GALNT18: variants seen among roughly 807,000 people sequenced by gnomAD.
The protein encoded by GALNT18 is polypeptide N-acetylgalactosaminyltransferase 18.
In GALNT18, 44 loss-of-function variants were observed where a neutral mutation model predicts 69.5. That is an observed-to-expected ratio of 0.63 (90% confidence interval 0.50 to 0.81). The LOEUF is 0.81. GALNT18 is among the 40% of genes least tolerant of loss of function. The pLI is 0.00. For synonymous variants in GALNT18, 364 were observed against 318.2 expected, an observed-to-expected ratio of 1.14 and a Z score of -1.53; for missense variants, 715 against 810.0, an observed-to-expected ratio of 0.88 and a Z score of 1.42.
Position 11,490,200 on chromosome 11 carries a change from TTCTCTCTCTC to T in GALNT18, c.236-41274_236-41265del, listed in dbSNP as rs71037025. Among the ~76,000 whole-genome samples, 30 of 130,788 alleles carry T rather than the reference TTCTCTCTCTC, an allele frequency of 2.3e-4. 1 individual carries two copies. Among genetic ancestry groups the T allele is most frequent in the Middle Eastern group, 8.3e-3 (2 of 240 alleles). The allele number at this position is 130,788 out of a possible 152,430, so 85.8% of individuals were successfully genotyped here. On this transcript the variant is annotated intron_variant, in intron 1 of 10. Coordinates refer to ENST00000227756, the MANE Select transcript of GALNT18 (RefSeq NM_198516.3). ...AGTTTGGCCTCTTCTCCTTCACTCATTCTCTCTCTCTCTCTCTCTCTCTCTCTCTCTCTAA... is the reference window on the plus strand; with the variant it reads ...AGTTTGGCCTCTTCTCCTTCACTCATTCTCTCTCTCTCTCTCTCTCTCTAA...
chr11:11,558,551 G>C (rs1034899924), intron 1 of GALNT18, among the ~76,000 whole-genome samples: 1 of 152,256 alleles, frequency 6.6e-6, no homozygotes, highest in South Asian at 2.1e-4. Context: ...GAATAGCCCT[G>C]CTTCATGCTT....
intron 1 of GALNT18, among the ~76,000 whole-genome samples, chr11:11,561,615 C>T (rs1858509204): frequency 6.6e-6 from 1 of 152,142 alleles, no homozygotes; most frequent in Non-Finnish European, 1.5e-5. Flanking sequence ...TTAATTCATC[C>T]CAAAAGTATA....
chr11:11,390,485 G>A (rs531691623), intron 3 of GALNT18, among the ~76,000 whole-genome samples: 9 of 152,152 alleles, frequency 5.9e-5, no homozygotes, highest in South Asian at 2.1e-4. Context: ...GGGCAGCTCC[G>A]AGCATCCTCT....
Position 11,297,309 on chromosome 11 carries a change from T to G in GALNT18, c.1513-4116A>C, listed in dbSNP as rs74934000. On this transcript the variant is annotated intron_variant, in intron 9 of 10. Transcript: ENST00000227756. ...TGTGCCAGACATGAAATGACTTACA[T>G]GCTTTATCTTGTTTAATCTTAGCAA... Among the ~76,000 whole-genome samples the G allele has an allele frequency of 8.9e-3, 1,363 of 152,330 alleles. 14 individuals carry two copies. The highest frequency in any genetic ancestry group is 0.031 in the African/African-American group (1,277 of 41,566).
chr11:11,385,173 T>C (rs1022002418), intron 3 of GALNT18, among the ~76,000 whole-genome samples: 3 of 151,912 alleles, frequency 2.0e-5, no homozygotes, highest in Non-Finnish European at 4.4e-5. Context: ...TCATGGGAAC[T>C]AGTAGAGGGA....
chr11:11,568,979 T>C (rs1183122387), intron 1 of GALNT18, among the ~76,000 whole-genome samples: 1 of 152,210 alleles, frequency 6.6e-6, no homozygotes, highest in East Asian at 1.9e-4. Flanking sequence ...TAAATGCATT[T>C]CAAAATCACT....
At chr11:11,567,545 C>T (rs1367832773) in intron 1 of GALNT18, among the ~76,000 whole-genome samples, 1 of 152,176 alleles carries the variant, frequency 6.6e-6, no homozygotes, top group Non-Finnish European at 1.5e-5. Flanking sequence ...CTCCTGCTTC[C>T]CTGAAAAGCA....
intron 10 of GALNT18, among the ~76,000 whole-genome samples, chr11:11,273,036 A>C (rs1848860288): frequency 6.6e-6 from 1 of 152,234 alleles, no homozygotes; most frequent in Non-Finnish European, 1.5e-5. Flanking sequence ...AAATCAAATC[A>C]AAATAGGTTA....
rs574443240 is a variant in GALNT18 at position 11,457,601 on chromosome 11, A to G, written c.236-8665T>C. Among the ~76,000 whole-genome samples the G allele has an allele frequency of 1.7e-3, 254 of 152,330 alleles. 2 individuals carry two copies. The South Asian group carries it at 0.028, about 17-fold the overall frequency. ...TCCTACCGAAGGGTCAGACAGAGCC[A>G]CCCAGAACGCAGCTCACCTGGCTGA... On this transcript the variant is annotated intron_variant, in intron 1 of 10. Transcript: ENST00000227756.
Position 11,601,371 on chromosome 11 carries a change from G to A in GALNT18, c.235+19988C>T, listed in dbSNP as rs1343786339. 6.6e-6 allele frequency among the ~76,000 whole-genome samples: 1 copy of A among 152,064 alleles called. No homozygotes were observed. Among genetic ancestry groups the A allele is most frequent in the African/African-American group, 2.4e-5 (1 of 41,400 alleles). The stretch of plus-strand genomic sequence containing the variant: ...TAGTCTCTAATACTACTTCTTGAAG[G>A]TGAAACCTTAGGCATGTGCACAGTG... On this transcript the variant is annotated intron_variant, in intron 1 of 10. Coordinates refer to ENST00000227756, the MANE Select transcript of GALNT18 (RefSeq NM_198516.3). The surrounding 1 kb of genome is among the most constrained non-coding windows in gnomAD (Gnocchi z 4.0).
intron 1 of GALNT18, among the ~76,000 whole-genome samples, chr11:11,581,600 A>C (rs1859087743): frequency 6.6e-6 from 1 of 151,672 alleles, no homozygotes; most frequent in South Asian, 2.1e-4. Flanking sequence ...GCACTCACAG[A>C]GCAGGGCTCC....
In GALNT18 at chr11:11,484,341, C is replaced by T. The variant is rs187020956; in HGVS notation, c.236-35405G>A. On this transcript the variant is annotated intron_variant, in intron 1 of 10. Coordinates refer to ENST00000227756, the MANE Select transcript of GALNT18 (RefSeq NM_198516.3). ...GGCATGGTGGCTCACACCTGTAATCCCAGCAGTCTGGGAGGCCGAGGTGGG... is the reference window on the plus strand; with the variant it reads ...GGCATGGTGGCTCACACCTGTAATCTCAGCAGTCTGGGAGGCCGAGGTGGG... Among the ~76,000 whole-genome samples the T allele has an allele frequency of 1.1e-3, 172 of 152,010 alleles. 4 individuals carry two copies. Among genetic ancestry groups the T allele is most frequent in the African/African-American group, 4.0e-3 (165 of 41,472 alleles).
chr11:11,375,376 C>G (rs1464813271), intron 5 of GALNT18, among the ~76,000 whole-genome samples: 1 of 152,192 alleles, frequency 6.6e-6, no homozygotes, highest in African/African-American at 2.4e-5. Context: ...ACCTGGAATG[C>G]AGGCTTGCTG....
chr11:11,322,087 T>C lies in GALNT18; in HGVS notation c.1512+4999A>G, dbSNP rs887936854. 2.6e-5 allele frequency among the ~76,000 whole-genome samples: 4 copies of C among 152,244 alleles called. No homozygotes were observed. In the South Asian group the frequency reaches 8.3e-4, roughly 32 times the overall value. On this transcript the variant is annotated intron_variant, in intron 9 of 10. Coordinates refer to ENST00000227756, the MANE Select transcript of GALNT18 (RefSeq NM_198516.3). Reference sequence around the variant, plus strand: ...TAGAAATACTAATAGATAACATTTATTGAGGACTTACTACATACCAGGTAT... The same window carrying C: ...TAGAAATACTAATAGATAACATTTACTGAGGACTTACTACATACCAGGTAT...
rs572980864 is a variant in GALNT18 at position 11,620,876 on chromosome 11, G to C, written c.235+483C>G. The stretch of plus-strand genomic sequence containing the variant: ...GCAATTTTCCTAGCCTCGCTTGTCC[G>C]GCAGCCTGCGGGTCTTAACTGCCAA... On this transcript the variant is annotated intron_variant, in intron 1 of 10. Transcript: ENST00000227756. This position sits in a 1 kb window ranked among gnomAD's most constrained non-coding sequence, Gnocchi z 6.9. 4.6e-5 allele frequency among the ~76,000 whole-genome samples: 7 copies of C among 152,294 alleles called. No individual in the cohort carries two copies. Among genetic ancestry groups the C allele is most frequent in the African/African-American group, 1.7e-4 (7 of 41,564 alleles).
chr11:11,476,998 C>T (rs934066446), intron 1 of GALNT18, among the ~76,000 whole-genome samples: 13 of 152,154 alleles, frequency 8.5e-5, no homozygotes, highest in Non-Finnish European at 1.6e-4. Flanking sequence ...CACCCATCCC[C>T]GAGGGAAAGG....
intron 10 of GALNT18, among the ~76,000 whole-genome samples, chr11:11,291,016 T>C (rs1849287179): frequency 6.6e-6 from 1 of 152,202 alleles, no homozygotes. Context: ...ACTGGGCATA[T>C]ACCTAACTGT....
In GALNT18 at chr11:11,387,774, G is replaced by C. The variant is rs760747071; in HGVS notation, c.596-8510C>G. Among the ~76,000 whole-genome samples the C allele has an allele frequency of 1.3e-5, 2 of 152,226 alleles. No homozygotes were observed. Among genetic ancestry groups the C allele is most frequent in the Non-Finnish European group, 2.9e-5 (2 of 68,040 alleles). ...TCCGCACCTCCATGGAGAATCTGGA[G>C]TGGGGGCTCAGGACTCAGATGGTCC... On this transcript the variant is annotated intron_variant, in intron 3 of 10. Transcript: ENST00000227756. The surrounding 1 kb of genome is among the most constrained non-coding windows in gnomAD (Gnocchi z 4.6).
In GALNT18 at chr11:11,327,084, A is replaced by C; in HGVS notation, c.1512+2T>G. The C allele has an allele frequency of 1.2e-6, 2 of 1,608,442 alleles. No individual in the cohort carries two copies. The highest frequency in any genetic ancestry group is 1.7e-6 in the Non-Finnish European group (2 of 1,174,872). ...GGCACAGGAATCTCTTAGAGGACTC[A>C]CCTGAGGCGTCATCCCATGGCAGAT... On this transcript the variant is annotated splice_donor_variant, in intron 9 of 10. Transcript: ENST00000227756. LOFTEE classifies it high-confidence loss of function.
Sources: allele counts gnomAD v4.1 joint callset (sites outside exome capture counted in the v4.1 genomes callset), GRCh38; gene constraint gnomAD v4.1.1; non-coding constraint Gnocchi (gnomAD v3.1); transcripts MANE v1.5; gene names NCBI Gene and HGNC (gene_info 2026-07-23, HGNC 2026-07-21).